Variants in ASTN2 observed in about 807,000 individuals in gnomAD.
ASTN2 encodes the protein astrotactin 2, also known as astrotactin-2.
A neutral mutation model predicts 139.8 loss-of-function variants in ASTN2; 54 were observed. The observed-to-expected ratio is 0.39, with a 90% CI of 0.31 to 0.48. The LOEUF is 0.48. Among genes scored for constraint, ASTN2 ranks in the 20% least tolerant of loss-of-function variants. The probability of loss-of-function intolerance (pLI) is 0.95; values close to 1 mark genes in which losing one functional copy is unlikely to be tolerated. For missense variants in ASTN2, 1,565 were observed against 1,725.1 expected (o/e 0.91, Z 1.64); for synonymous variants, 756 against 719.5 (o/e 1.05, Z -0.81).
chr9:116,493,115 G>A (rs1849567428), intron 19 of ASTN2, among the ~76,000 whole-genome samples: 1 of 152,188 alleles, frequency 6.6e-6, no homozygotes, highest in Non-Finnish European at 1.5e-5. Flanking sequence ...GCTTGGGAAT[G>A]CTACACCTTA....
At chr9:116,578,450 T>C (rs768523218) in intron 19 of ASTN2, among the ~76,000 whole-genome samples, 6 of 152,132 alleles carry the variant, frequency 3.9e-5, no homozygotes, top group Non-Finnish European at 7.3e-5. Context: ...ACAAATGTTC[T>C]AAGAACATTT....
chr9:117,119,698 G>C (rs1226583758), intron 4 of ASTN2, among the ~76,000 whole-genome samples: 2 of 152,004 alleles, frequency 1.3e-5, no homozygotes, highest in African/African-American at 4.8e-5. Context: ...TTTGAAATAT[G>C]AGAAAGAGAC....
intron 1 of ASTN2, among the ~76,000 whole-genome samples, chr9:117,332,397 C>G (rs150145660): frequency 1.1e-4 from 16 of 152,192 alleles, no homozygotes; most frequent in Admixed American, 9.8e-4. Context: ...ATGGTGAAAC[C>G]CTCTCTCCAC....
intron 5 of ASTN2, among the ~76,000 whole-genome samples, chr9:117,048,465 G>A (rs1360347054): frequency 6.6e-6 from 1 of 152,184 alleles, no homozygotes; most frequent in East Asian, 1.9e-4. Context: ...CTGGTCCTGG[G>A]ACAAAGACCG....
chr9:116,980,305 C>T (rs547041063), intron 7 of ASTN2, among the ~76,000 whole-genome samples: 41 of 151,884 alleles, frequency 2.7e-4, no homozygotes, highest in Non-Finnish European at 5.9e-4. Context: ...GGTCATACTA[C>T]CCAGAAACTA....
intron 2 of ASTN2, among the ~76,000 whole-genome samples, chr9:117,281,904 C>T (rs918122354): frequency 1.9e-4 from 29 of 152,128 alleles, no homozygotes; most frequent in African/African-American, 6.3e-4. Flanking sequence ...TCCTCAGCCT[C>T]GGATCACCCC....
intron 10 of ASTN2, among the ~76,000 whole-genome samples, chr9:116,906,665 C>T (rs556414873): frequency 6.4e-5 from 3 of 46,932 alleles, no homozygotes; most frequent in Non-Finnish European, 1.3e-4. Flanking sequence ...AGCTTCTGGA[C>T]CTTGTTTTTG....
intron 10 of ASTN2, among the ~76,000 whole-genome samples, chr9:116,887,499 G>A (rs1458678271): frequency 6.6e-6 from 1 of 151,888 alleles, no homozygotes; most frequent in Non-Finnish European, 1.5e-5. Context: ...AAAGGCCCAG[G>A]GGCAGGGATG....
chr9:117,090,534 C>A (rs1033243825), intron 5 of ASTN2, among the ~76,000 whole-genome samples: 20 of 152,194 alleles, frequency 1.3e-4, no homozygotes, highest in African/African-American at 4.8e-4. Flanking sequence ...CATAATGGAT[C>A]CTATTGCTGA....
At chr9:116,545,854 C>CATCTCTCTGAGTCCCTGTGA (rs1195006728) in intron 19 of ASTN2, 1 of 152,170 alleles carries the variant, frequency 6.6e-6, no homozygotes, top group Non-Finnish European at 1.5e-5. Flanking sequence ...AAGTCATTTG[C>CATCTCTCTGAGTCCCTGTGA]ATCTCTCTGA....
chr9:116,979,520 A>T (rs1836448761), intron 7 of ASTN2, among the ~76,000 whole-genome samples: 1 of 152,168 alleles, frequency 6.6e-6, no homozygotes, highest in South Asian at 2.1e-4. Flanking sequence ...CAAAGCGAGG[A>T]GGGGCAGGAG....
rs1356701703 is a variant in ASTN2, at chr9:117,414,790, C to A, written c.149G>T (p.Gly50Val). The A allele has an allele frequency of 8.0e-7, 1 of 1,246,902 alleles. No individual in the cohort carries two copies. The allele number at this position is 1,246,902 out of a possible 1,614,324, so 77.2% of individuals were successfully genotyped here. A position where few individuals can be genotyped will look rare whatever the true frequency, so the allele number is the denominator to read the frequency against. The part of the protein sequence containing the change: ...LLLPPPPLLA[G>V]ATAAASREPD... ...CTCCCGCGAGGCAGCGGCGGTGGCG[C>A]CGGCCAGCAGCGGCGGCGGCGGCAG... Residue 50 changes from glycine to valine, a missense_variant, in exon 1 of 23, where the codon GGC becomes GTC. Transcript: ENST00000313400. This position sits in a 1 kb window ranked among gnomAD's most constrained non-coding sequence, Gnocchi z 4.2.
At chr9:116,662,718 T>C (rs1396759295) in intron 16 of ASTN2, among the ~76,000 whole-genome samples, 1 of 152,196 alleles carries the variant, frequency 6.6e-6, no homozygotes, top group Non-Finnish European at 1.5e-5. Flanking sequence ...AAGATGGTGA[T>C]AGGAAAAGTG....
intron 19 of ASTN2, among the ~76,000 whole-genome samples, chr9:116,539,011 C>T (rs76346015): frequency 0.12 from 17,830 of 152,078 alleles, 1,215 homozygotes; most frequent in Middle Eastern, 0.19. Context: ...AGAAAAACAG[C>T]AATAAAAATG....
intron 16 of ASTN2, among the ~76,000 whole-genome samples, chr9:116,682,051 T>G (rs1327939608): frequency 1.3e-5 from 2 of 151,804 alleles, no homozygotes; most frequent in South Asian, 4.2e-4. Flanking sequence ...AAAGAGCTTC[T>G]GCACAGCAAA....
At chr9:116,725,554 T>C (rs1303464401) in intron 16 of ASTN2, among the ~76,000 whole-genome samples, 1 of 151,992 alleles carries the variant, frequency 6.6e-6, no homozygotes, top group Non-Finnish European at 1.5e-5. Context: ...CCTCAGAAAA[T>C]GCCTGACTTG....
At chr9:117,396,119 A>C (rs982443852) in intron 1 of ASTN2, among the ~76,000 whole-genome samples, 1 of 152,212 alleles carries the variant, frequency 6.6e-6, no homozygotes, top group South Asian at 2.1e-4. Flanking sequence ...TATGAACTAC[A>C]ACAGTCAGGA....
At chr9:116,847,500 T>A (rs556670181) in intron 11 of ASTN2, among the ~76,000 whole-genome samples, 1 of 152,216 alleles carries the variant, frequency 6.6e-6, no homozygotes, top group Non-Finnish European at 1.5e-5. Flanking sequence ...CTGAGGAATG[T>A]CTATTCAATA....
chr9:116,622,164 C>A (rs1035074349), intron 17 of ASTN2, among the ~76,000 whole-genome samples: 1 of 152,180 alleles, frequency 6.6e-6, no homozygotes, highest in Admixed American at 6.5e-5. Flanking sequence ...TCAAGTAGAA[C>A]ATGTTTGTAT....
Sources: allele counts gnomAD v4.1 joint callset (sites outside exome capture counted in the v4.1 genomes callset), GRCh38; gene constraint gnomAD v4.1.1; non-coding constraint Gnocchi (gnomAD v3.1); transcripts MANE v1.5; gene names NCBI Gene and HGNC (gene_info 2026-07-23, HGNC 2026-07-21).